POU2AF1: variants seen among roughly 807,000 people sequenced by gnomAD.
POU2AF1 encodes POU class 2 homeobox associating factor 1.
POU2AF1 carries 12 observed loss-of-function variants against 26.3 expected under a neutral mutation model. The ratio of observed to expected loss-of-function variants is 0.46; its 90% CI spans 0.29 to 0.74. The LOEUF (loss-of-function observed/expected upper bound fraction) is 0.74, where lower values mean the gene tolerates loss of function less well. Among genes scored for constraint, POU2AF1 ranks in the 30% least tolerant of loss-of-function variants. The pLI, the probability that POU2AF1 is intolerant of heterozygous loss-of-function variation, is 0.09. For synonymous variants in POU2AF1, 175 were observed against 148.0 expected, an observed-to-expected ratio of 1.18 and a Z score of -1.32; for missense variants, 297 against 334.5, an observed-to-expected ratio of 0.89 and a Z score of 0.87.
chr11:111,372,041 C>T (rs1861219703), intron 1 of POU2AF1, among the ~76,000 whole-genome samples: 1 of 124,316 alleles, frequency 8.0e-6, no homozygotes, highest in African/African-American at 3.3e-5. Context: ...CACACACACA[C>T]ACACACACAC....
intron 2 of POU2AF1, 88 bp downstream of exon 2, chr11:111,358,700 A>C: frequency 7.1e-7 from 1 of 1,399,734 alleles, no homozygotes; most frequent in Non-Finnish European, 9.6e-7. Flanking sequence ...ACACATACTC[A>C]CACACACATA....
At chr11:111,359,131 C>T in intron 1 of POU2AF1, 3 of 750,204 alleles carry the variant, frequency 4.0e-6, no homozygotes, top group Non-Finnish European at 4.2e-6. Context: ...GAAGGCCCAG[C>T]TCCTTGTCCT....
chr11:111,370,944 G>C (rs182709550), intron 1 of POU2AF1, among the ~76,000 whole-genome samples: 1 of 152,206 alleles, frequency 6.6e-6, no homozygotes, highest in African/African-American at 2.4e-5. Context: ...TGGATGCTTA[G>C]AGGGATGCAT....
intron 1 of POU2AF1, among the ~76,000 whole-genome samples, chr11:111,364,825 TGGAGCAGA>T (rs751719145): frequency 3.9e-5 from 6 of 152,208 alleles, no homozygotes; most frequent in Non-Finnish European, 8.8e-5. Flanking sequence ...CAGTGAGGGA[TGGAGCAGA>T]GGAGAGGAAT....
In POU2AF1 at chr11:111,358,893, G is replaced by A; in HGVS notation, c.42C>T (p.Ala14=). The A allele has an allele frequency of 1.9e-6, 3 of 1,607,112 alleles. No homozygotes were observed. The highest frequency in any genetic ancestry group is 1.7e-6 in the Non-Finnish European group (2 of 1,179,874). ...QKPTAPEQAP[A]PARPYQGVRV... ...GGACGCCCTGGTATGGCCGGGCCGG[G>A]GCTGGGGCTTGCTCCGGAGCTGTGG... Residue 14 remains alanine, a synonymous_variant, in exon 2 of 5, where the codon GCC becomes GCT. Transcript: ENST00000393067.
At chr11:111,370,812 G>T (rs1235813011) in intron 1 of POU2AF1, among the ~76,000 whole-genome samples, 1 of 152,098 alleles carries the variant, frequency 6.6e-6, no homozygotes, top group Non-Finnish European at 1.5e-5. Flanking sequence ...TATTCTTCAG[G>T]ATCCAAACCC....
chr11:111,365,539 T>A (rs1289981898), intron 1 of POU2AF1, among the ~76,000 whole-genome samples: 1 of 152,170 alleles, frequency 6.6e-6, no homozygotes, highest in East Asian at 1.9e-4. Flanking sequence ...AAAACCCCAC[T>A]GAGAAGAAAT....
chr11:111,374,422 C>T (rs1202454047), intron 1 of POU2AF1, among the ~76,000 whole-genome samples: 6 of 152,126 alleles, frequency 3.9e-5, no homozygotes, highest in Non-Finnish European at 8.8e-5. Flanking sequence ...ATTGGCCAGG[C>T]GTGGTGGTTC....
intron 1 of POU2AF1, 52 bp from the exon 2 acceptor site, chr11:111,358,970 A>AC (rs948815791): frequency 1.7e-5 from 27 of 1,554,072 alleles, no homozygotes; most frequent in Non-Finnish European, 2.1e-5. Context: ...ACGAGCCCCC[A>AC]CCCCAAAGTG....
chr11:111,375,662 G>A (rs1861297732), intron 1 of POU2AF1, among the ~76,000 whole-genome samples: 2 of 152,134 alleles, frequency 1.3e-5, no homozygotes, highest in Admixed American at 6.5e-5. Context: ...GCCTCCCAAA[G>A]TGCTGGGATT....
chr11:111,374,160 C>A, intron 1 of POU2AF1, among the ~76,000 whole-genome samples: 2 of 116,016 alleles, frequency 1.7e-5, no homozygotes, highest in African/African-American at 3.2e-5. Flanking sequence ...AGAACAGAAT[C>A]CCAAGTGTGA....
chr11:111,356,229 A>G (rs1462851619), intron 4 of POU2AF1, among the ~76,000 whole-genome samples: 1 of 152,140 alleles, frequency 6.6e-6, no homozygotes, highest in Non-Finnish European at 1.5e-5. Context: ...TGAGTCCTCC[A>G]CCCACCACCC....
intron 1 of POU2AF1, among the ~76,000 whole-genome samples, chr11:111,373,535 CTTTAA>C (rs896083026): frequency 7.2e-5 from 11 of 152,172 alleles, no homozygotes; most frequent in Admixed American, 6.5e-4. Flanking sequence ...TGATTTTAAA[CTTTAA>C]TTTATTTTTT....
intron 4 of POU2AF1, among the ~76,000 whole-genome samples, chr11:111,355,981 C>G (rs915773842): frequency 6.6e-6 from 1 of 152,162 alleles, no homozygotes; most frequent in African/African-American, 2.4e-5. Flanking sequence ...TTTCTTTGCT[C>G]GGGAATACAA....
intron 1 of POU2AF1, among the ~76,000 whole-genome samples, chr11:111,370,227 T>A (rs1382775109): frequency 6.6e-6 from 1 of 152,160 alleles, no homozygotes; most frequent in African/African-American, 2.4e-5. Context: ...ATGGCCCTCA[T>A]GATGCAAGGG....
Position 111,358,739 on chromosome 11 carries a change from T to G in POU2AF1, c.147+49A>C, listed in dbSNP as rs768712996. ...TCTCACACTATCCCTGACACACACA[T>G]TCTCTTTCACACACACACACTCACA... is the stretch of plus-strand genomic sequence containing the variant. On this transcript the variant is annotated intron_variant, in intron 2 of 4. Transcript: ENST00000393067. 2.0e-6 allele frequency: 3 copies of G among 1,519,472 alleles called. No individual in the cohort carries two copies. In the South Asian group the frequency reaches 3.6e-5, roughly 18 times the overall value. The allele number at this position is 1,519,472 out of a possible 1,614,324, so 94.1% of individuals were successfully genotyped here.
chr11:111,368,364 C>T (rs750931012), intron 1 of POU2AF1, among the ~76,000 whole-genome samples: 1 of 152,104 alleles, frequency 6.6e-6, no homozygotes, highest in African/African-American at 2.4e-5. Flanking sequence ...GTCCCAGACA[C>T]TCTAAGTGGC....
intron 1 of POU2AF1, among the ~76,000 whole-genome samples, chr11:111,365,682 G>A (rs1861091427): frequency 3.3e-5 from 5 of 152,124 alleles, no homozygotes. Flanking sequence ...TTCGTATAAA[G>A]AATTCTTTAC....
rs145220444 is a variant in POU2AF1 at position 111,354,436 on chromosome 11, G to C, written c.596C>G (p.Ala199Gly). 198 of 1,614,078 alleles carry C rather than the reference G, an allele frequency of 1.2e-4. No homozygotes were observed. In the African/African-American group the frequency reaches 2.3e-3, roughly 19 times the overall value. ...CTGGACAAACTGGGGCCCAGGTAGGGCTGGGGCCGGAGGCTGGTACTGCAG... is the reference window on the plus strand; with the variant it reads ...CTGGACAAACTGGGGCCCAGGTAGGCCTGGGGCCGGAGGCTGGTACTGCAG... Reference protein sequence around the residue: ...STLQYQPPAPALPGPQFVQLP... With the variant: ...STLQYQPPAPGLPGPQFVQLP... The change falls in exon 5 of 5, where the codon GCC (alanine) becomes GGC (glycine). Residue 199 changes from alanine to glycine, a missense_variant. Transcript: ENST00000393067.
Sources: allele counts gnomAD v4.1 joint callset (sites outside exome capture counted in the v4.1 genomes callset), GRCh38; gene constraint gnomAD v4.1.1; transcripts MANE v1.5; gene names NCBI Gene and HGNC (gene_info 2026-07-23, HGNC 2026-07-21).